The following CC2D1B variants were observed in gnomAD, a reference collection of about 807,000 sequenced individuals.
The protein encoded by CC2D1B is coiled-coil and C2 domain containing 1B, also known as coiled-coil and C2 domain-containing protein 1B.
CC2D1B carries 92 observed loss-of-function variants against 110.8 expected under a neutral mutation model. The observed-to-expected ratio is 0.83, with a 90% CI of 0.70 to 0.99. The LOEUF (loss-of-function observed/expected upper bound fraction) is 0.99, where lower values mean the gene tolerates loss of function less well. Ranked by LOEUF, CC2D1B falls within the 50% of genes least tolerant of loss-of-function variation. The probability of loss-of-function intolerance (pLI) is 0.00; values close to 1 mark genes in which losing one functional copy is unlikely to be tolerated. For synonymous variants in CC2D1B, 406 were observed against 429.2 expected (o/e 0.95, Z 0.67); for missense variants, 1,136 against 1,089.0 (o/e 1.04, Z -0.61).
chr1:52,360,396 G>A lies in CC2D1B; in HGVS notation c.603+28C>T, dbSNP rs1159023317. On this transcript the variant is annotated intron_variant, in intron 6 of 24. Coordinates refer to ENST00000284376, the MANE Select transcript of CC2D1B (RefSeq NM_001330585.2). ...CGCCTTTCATGCAGCCCCCTCCCCTGCCCTGCTCCCAGCCTAGCCCGACTC... is the reference window on the plus strand; with the variant it reads ...CGCCTTTCATGCAGCCCCCTCCCCTACCCTGCTCCCAGCCTAGCCCGACTC... The A allele has an allele frequency of 1.9e-6, 3 of 1,611,026 alleles. No individual in the cohort carries two copies. In the East Asian group the frequency reaches 6.7e-5, roughly 36 times the overall value.
intron 16 of CC2D1B, chr1:52,356,741 A>C (rs1646661330): frequency 1.7e-6 from 1 of 597,182 alleles, no homozygotes. Context: ...AGATAGATAA[A>C]TACATAAACA....
At chr1:52,356,853 A>T in intron 16 of CC2D1B, 148 bp downstream of exon 16, 1 of 886,814 alleles carries the variant, frequency 1.1e-6, no homozygotes, top group Non-Finnish European at 1.7e-6. Context: ...TGTAGTTCAG[A>T]GAAGAAAGTG....
intron 1 of CC2D1B, among the ~76,000 whole-genome samples, chr1:52,365,815 C>G (rs1323456630): frequency 6.6e-6 from 1 of 152,142 alleles, no homozygotes; most frequent in Non-Finnish European, 1.5e-5. Flanking sequence ...GGCGGGCGCT[C>G]CGGGGGACTC....
chr1:52,356,124 C>A, intron 18 of CC2D1B, 62 bp downstream of exon 18: 1 of 1,420,104 alleles, frequency 7.0e-7, no homozygotes, highest in South Asian at 1.2e-5. Context: ...CAGTCTCTGG[C>A]CTGGGCTCCC....
chr1:52,351,559 C>G lies in CC2D1B; in HGVS notation c.*1666G>C, dbSNP rs1646530712. 6.6e-6 allele frequency: 1 copy of G among 152,122 alleles called. No homozygotes were observed. The allele number at this position is 152,122 out of a possible 1,614,324, so 9.4% of individuals were successfully genotyped here. On this transcript the variant is annotated 3_prime_UTR_variant, in exon 25 of 25. Coordinates refer to ENST00000284376, the MANE Select transcript of CC2D1B (RefSeq NM_001330585.2). ...GTGACTGCAATTAAGTGTTAAATCT[C>G]ACATCTGTGGAAGTTTTGGTAGCTC... is the stretch of plus-strand genomic sequence containing the variant.
intron 4 of CC2D1B, 68 bp from the exon 5 acceptor site, chr1:52,361,200 G>T (rs1157165267): frequency 3.8e-6 from 6 of 1,567,204 alleles, no homozygotes; most frequent in Non-Finnish European, 5.2e-6. Context: ...GGACCTGAGA[G>T]TAAAGGACCC....
rs1646708205 is a variant in CC2D1B, at chr1:52,358,684, A to G, written c.1330+2T>C. 2.5e-6 allele frequency: 4 copies of G among 1,612,860 alleles called. No individual in the cohort carries two copies. Among genetic ancestry groups the G allele is most frequent in the Non-Finnish European group, 3.4e-6 (4 of 1,179,646 alleles). On this transcript the variant is annotated splice_donor_variant, in intron 12 of 24. Coordinates refer to ENST00000284376, the MANE Select transcript of CC2D1B (RefSeq NM_001330585.2). LOFTEE classifies it high-confidence loss of function. Reference sequence around the variant, plus strand: ...AGAGCCCCTAGGCCATGCCCCACTTACCTGGAGGAACAGGCAATTCAGCAA... The same window carrying G: ...AGAGCCCCTAGGCCATGCCCCACTTGCCTGGAGGAACAGGCAATTCAGCAA...
intron 5 of CC2D1B, 127 bp downstream of exon 5, chr1:52,360,847 G>T: frequency 8.3e-7 from 1 of 1,198,964 alleles, no homozygotes; most frequent in Non-Finnish European, 1.2e-6. Context: ...TTTCTGCTTG[G>T]GGCGGCTGCT....
In CC2D1B at chr1:52,356,614, C is replaced by A. The variant is rs924629146; in HGVS notation, c.1879-172G>T. 19 of 671,294 alleles carry A rather than the reference C, an allele frequency of 2.8e-5. 1 individual carries two copies. The highest frequency in any genetic ancestry group is 2.7e-4 in the African/African-American group (15 of 55,320). The allele number at this position is 671,294 out of a possible 1,614,324, so 41.6% of individuals were successfully genotyped here. A position where few individuals can be genotyped will look rare whatever the true frequency, so the allele number is the denominator to read the frequency against. On this transcript the variant is annotated intron_variant, in intron 16 of 24. Transcript: ENST00000284376. ...AAGTCCCACCACGTTTCTCTGCCTA[C>A]ACTTTTGTCATTTTCTCTTCTGAGG...
At position 52,364,536 on chromosome 1, in the gene CC2D1B, A is replaced by G; in HGVS notation, c.69+16T>C. ...CCCCAAACCGACCCAGTAGCCTAGA[A>G]GGCTAAGTTCCATACCTGCTTGGCA... On this transcript the variant is annotated intron_variant, in intron 2 of 24. Coordinates refer to ENST00000284376, the MANE Select transcript of CC2D1B (RefSeq NM_001330585.2). 6.4e-7 allele frequency: 1 copy of G among 1,574,596 alleles called. No individual in the cohort carries two copies. The highest frequency in any genetic ancestry group is 8.7e-7 in the Non-Finnish European group (1 of 1,150,006).
chr1:52,357,097 A>G lies in CC2D1B; in HGVS notation c.1782T>C (p.Gly594=), dbSNP rs1569841677. ...CCTCATGGTGGATGAGGATGAAGTCACCCTCCTCATCCGTCAAGGGCGAAG... is the reference window on the plus strand; with the variant it reads ...CCTCATGGTGGATGAGGATGAAGTCGCCCTCCTCATCCGTCAAGGGCGAAG... ...KVPSPLTDEE[G]DFILIHHEDL... The change falls in exon 16 of 25, where the codon GGT becomes GGC. Residue 594 remains glycine, a synonymous_variant. Coordinates refer to ENST00000284376, the MANE Select transcript of CC2D1B (RefSeq NM_001330585.2). The G allele has an allele frequency of 1.9e-6, 3 of 1,613,238 alleles. No homozygotes were observed.
rs767238948 is a variant in CC2D1B at position 52,354,632 on chromosome 1, C to T, written c.2406G>A (p.Glu802=). 5.0e-6 allele frequency: 8 copies of T among 1,614,250 alleles called. No homozygotes were observed. The highest frequency in any genetic ancestry group is 4.4e-5 in the South Asian group (4 of 91,084). ...CCTCCACAATTTCTCTGATCTCACA[C>T]TCATTCTCCAGCCGCTCCAGTTTCA... ...AHLKLERLEN[E]CEIREIVEVL... The change falls in exon 23 of 25, where the codon GAG becomes GAA. Residue 802 remains glutamate, a synonymous_variant. Coordinates refer to ENST00000284376, the MANE Select transcript of CC2D1B (RefSeq NM_001330585.2).
Position 52,357,571 on chromosome 1 carries a change from A to G in CC2D1B, c.1707T>C (p.Ala569=). The change falls in exon 15 of 25, where the codon GCT becomes GCC. Residue 569 remains alanine (A), a synonymous_variant. Coordinates refer to ENST00000284376, the MANE Select transcript of CC2D1B (RefSeq NM_001330585.2). ...TGCCAGATCGGGCCTGGATGATCTG[A>G]GCCTCAAGCCATTTGGCTACCCGCA... ...AYLRVAKWLE[A]QIIQARSGRP... is the part of the protein sequence containing the mutation. 3 of 1,583,564 alleles carry G rather than the reference A, an allele frequency of 1.9e-6. No individual in the cohort carries two copies. The highest frequency in any genetic ancestry group is 2.3e-5 in the East Asian group (1 of 43,466).
Position 52,357,410 on chromosome 1 carries a change from C to A in CC2D1B, c.1752+116G>T, listed in dbSNP as rs1362956054. The A allele has an allele frequency of 7.0e-6, 8 of 1,150,534 alleles. No homozygotes were observed. The African/African-American group carries it at 1.1e-4, about 16-fold the overall frequency. The allele number at this position is 1,150,534 out of a possible 1,614,324, so 71.3% of individuals were successfully genotyped here. The stretch of plus-strand genomic sequence containing the variant: ...CAAAAGGCTCTTTCCCAGCTGTCAT[C>A]ATGCTCTGTCCAAACCCTGCCTCAT... On this transcript the variant is annotated intron_variant, in intron 15 of 24. Transcript: ENST00000284376.
intron 2 of CC2D1B, 113 bp from the exon 3 acceptor site, chr1:52,362,859 G>C: frequency 9.5e-7 from 1 of 1,049,182 alleles, no homozygotes; most frequent in Non-Finnish European, 1.4e-6. Flanking sequence ...CAGTCTGTGA[G>C]GCCCAATGTG....
In CC2D1B at chr1:52,361,077, T is replaced by A. The variant is rs761999306; in HGVS notation, c.374A>T (p.Asp125Val). The change falls in exon 5 of 25, where the codon GAT (aspartate) becomes GTT (valine). Residue 125 changes from aspartate to valine, a missense_variant. By Grantham distance (152) the Asp-to-Val change is radical. Transcript: ENST00000284376. Reference protein sequence around the residue: ...VDEETEPLDGDEVADPGGSEE... With the variant: ...VDEETEPLDGVEVADPGGSEE... ...AGAGCCGCCTGGGTCAGCTACCTCA[T>A]CACCATCCAGGGGCTCAGTCTCCTC... The A allele has an allele frequency of 6.2e-7, 1 of 1,613,940 alleles. No homozygotes were observed. The highest frequency in any genetic ancestry group is 8.5e-7 in the Non-Finnish European group (1 of 1,179,954).
Position 52,361,274 on chromosome 1 carries a change from C to A in CC2D1B, c.319-142G>T, listed in dbSNP as rs781655191. 6.9e-5 allele frequency: 85 copies of A among 1,233,930 alleles called. 2 individuals carry two copies. The Middle Eastern group carries it at 9.8e-4, about 14-fold the overall frequency. The allele number at this position is 1,233,930 out of a possible 1,614,324, so 76.4% of individuals were successfully genotyped here. ...CTGAGTCCCCTTCACCAAAACATTT[C>A]TTTAATCTGACCGAGGATAGCCTTG... On this transcript the variant is annotated intron_variant, in intron 4 of 24. Transcript: ENST00000284376.
Position 52,361,447 on chromosome 1 carries a change from C to T in CC2D1B, c.318+66G>A, listed in dbSNP as rs76164380. ...AGGGGCACCCCCAGCCTCCTCTCCA[C>T]TGCCCTCTCCTCCACCAGGCCCAAG... On this transcript the variant is annotated intron_variant, in intron 4 of 24. Transcript: ENST00000284376. 144 of 1,604,612 alleles carry T rather than the reference C, an allele frequency of 9.0e-5. No individual in the cohort carries two copies. In the Admixed American group the frequency reaches 1.3e-3, roughly 15 times the overall value.
intron 15 of CC2D1B, 71 bp from the exon 16 acceptor site, chr1:52,357,197 G>A (rs1356895799): frequency 6.4e-7 from 1 of 1,555,176 alleles, no homozygotes; most frequent in Non-Finnish European, 8.8e-7. Context: ...ACAAAGGCAG[G>A]AGCCCAAACT....
Sources: gnomAD v4.1 joint callset for allele counts (sites outside exome capture counted in the v4.1 genomes callset) on GRCh38, gnomAD v4.1.1 for gene constraint, MANE v1.5 for transcripts, NCBI Gene and HGNC (gene_info 2026-07-23, HGNC 2026-07-21) for gene names.